The following EML4 variants were observed in gnomAD, a reference collection of about 807,000 sequenced individuals.
EML4 encodes echinoderm microtubule-associated protein-like 4.
A neutral mutation model predicts 129.0 loss-of-function variants in EML4; 72 were observed. The ratio of observed to expected loss-of-function variants is 0.56; its 90% CI spans 0.46 to 0.68. EML4 has a LOEUF of 0.68. EML4 is among the 30% of genes least tolerant of loss of function. EML4 has a pLI of 0.00. For synonymous variants in EML4, 532 were observed against 405.0 expected, an observed-to-expected ratio of 1.31 and a Z score of -3.77; for missense variants, 1,363 against 1,190.6, an observed-to-expected ratio of 1.14 and a Z score of -2.13.
chr2:42,221,487 G>C (rs1673595014), intron 1 of EML4, among the ~76,000 whole-genome samples: 1 of 143,492 alleles, frequency 7.0e-6, no homozygotes, highest in South Asian at 2.2e-4. Flanking sequence ...ATGGCTCACT[G>C]CAGCCTCAAT....
chr2:42,302,497 T>G (rs1234967362), intron 14 of EML4, among the ~76,000 whole-genome samples: 5 of 152,122 alleles, frequency 3.3e-5, no homozygotes, highest in Non-Finnish European at 7.4e-5. Flanking sequence ...CCCGACCACA[T>G]TCTTCATGTG....
intron 6 of EML4, among the ~76,000 whole-genome samples, chr2:42,266,077 C>T (rs1356516832): frequency 6.6e-6 from 1 of 152,116 alleles, no homozygotes; most frequent in Non-Finnish European, 1.5e-5. Context: ...CCAGCTGCAA[C>T]GTGGTTAAAG....
At chr2:42,229,090 T>G (rs1674160607) in intron 1 of EML4, among the ~76,000 whole-genome samples, 2 of 152,196 alleles carry the variant, frequency 1.3e-5, no homozygotes, top group African/African-American at 4.8e-5. Context: ...GGTACCTGAC[T>G]GCAAATGTTA....
intron 7 of EML4, 98 bp downstream of exon 7, chr2:42,281,071 A>G: frequency 1.0e-6 from 1 of 1,003,588 alleles, no homozygotes; most frequent in Non-Finnish European, 1.4e-6. Context: ...ATACAAAAAA[A>G]AAAAGTAACA....
At chr2:42,319,226 C>A (rs940204632) in intron 19 of EML4, among the ~76,000 whole-genome samples, 1 of 152,246 alleles carries the variant, frequency 6.6e-6, no homozygotes, top group East Asian at 1.9e-4. Flanking sequence ...AGCCGACTTT[C>A]CAATGTACAG....
chr2:42,235,647 A>G (rs951652659), intron 1 of EML4, among the ~76,000 whole-genome samples: 1 of 152,128 alleles, frequency 6.6e-6, no homozygotes, highest in Non-Finnish European at 1.5e-5. Context: ...ACTATTTCAA[A>G]TTTTTTAACA....
chr2:42,303,105 T>C lies in EML4; in HGVS notation c.1643T>C (p.Val548Ala). 6.2e-7 allele frequency: 1 copy of C among 1,613,832 alleles called. No individual in the cohort carries two copies. Among genetic ancestry groups the C allele is most frequent in the Non-Finnish European group, 8.5e-7 (1 of 1,179,922 alleles). ...GTGACTTTACACTTTTTTTTCTAGGTTCCTGATCAGTATGGCACAATCAGA... is the reference window on the plus strand; with the variant it reads ...GTGACTTTACACTTTTTTTTCTAGGCTCCTGATCAGTATGGCACAATCAGA... ...HDLNPEREIE[V>A]PDQYGTIRAV... The change falls in exon 15 of 23, where the codon GTT (valine) becomes GCT (alanine). Residue 548 changes from valine (V) to alanine (A), a missense_variant and splice_region_variant. Physicochemically the swap from Val to Ala is moderately conservative, Grantham distance 64 (BLOSUM62 0). Coordinates refer to ENST00000318522, the MANE Select transcript of EML4 (RefSeq NM_019063.5).
At chr2:42,284,801 T>C in intron 9 of EML4, 98 bp downstream of exon 9, 1 of 887,736 alleles carries the variant, frequency 1.1e-6, no homozygotes, top group Non-Finnish European at 1.7e-6. Context: ...TTTATTCTTT[T>C]AAAATTTAAG....
chr2:42,175,473 G>C (rs1468626218), intron 1 of EML4, among the ~76,000 whole-genome samples: 1 of 151,528 alleles, frequency 6.6e-6, no homozygotes, highest in Non-Finnish European at 1.5e-5. Context: ...GTATGGTTGG[G>C]AGTGTTTGTA....
chr2:42,202,146 A>G (rs931865920), intron 1 of EML4, among the ~76,000 whole-genome samples: 18 of 152,136 alleles, frequency 1.2e-4, no homozygotes, highest in Admixed American at 5.9e-4. Flanking sequence ...GGGTGTAGAC[A>G]GGGAAAGGAG....
At chr2:42,209,253 C>A (rs1416961577) in intron 1 of EML4, among the ~76,000 whole-genome samples, 2 of 152,000 alleles carry the variant, frequency 1.3e-5, no homozygotes, top group African/African-American at 2.4e-5. Context: ...TGGTTTTTTT[C>A]CTTTTATACA....
intron 6 of EML4, among the ~76,000 whole-genome samples, chr2:42,271,137 G>A (rs994519594): frequency 7.2e-5 from 11 of 152,234 alleles, no homozygotes; most frequent in South Asian, 6.2e-4. Context: ...CAAGTGATCC[G>A]TCTGCTTCAG....
At chr2:42,248,677 CTAAT>C (rs1414156714) in intron 2 of EML4, among the ~76,000 whole-genome samples, 7 of 151,996 alleles carry the variant, frequency 4.6e-5, no homozygotes, top group South Asian at 2.1e-4. Flanking sequence ...AATAACCTTA[CTAAT>C]TAGAGATTTT....
At chr2:42,324,428 C>T (rs556991914) in intron 19 of EML4, among the ~76,000 whole-genome samples, 2 of 152,264 alleles carry the variant, frequency 1.3e-5, no homozygotes, top group East Asian at 3.9e-4. Flanking sequence ...CCAGCCTCGG[C>T]GATGTGGTGA....
At chr2:42,209,637 CTG>C (rs1156455774) in intron 1 of EML4, among the ~76,000 whole-genome samples, 1 of 152,076 alleles carries the variant, frequency 6.6e-6, no homozygotes, top group Non-Finnish European at 1.5e-5. Context: ...TTTTAAAAAA[CTG>C]ATAAGATTGG....
intron 1 of EML4, among the ~76,000 whole-genome samples, chr2:42,208,481 C>T (rs1019092941): frequency 6.7e-6 from 1 of 149,604 alleles, no homozygotes; most frequent in African/African-American, 2.5e-5. Flanking sequence ...GTCGCCCAGG[C>T]TGGAGTGCAG....
intron 2 of EML4, among the ~76,000 whole-genome samples, chr2:42,255,243 G>A (rs1020698959): frequency 4.0e-5 from 6 of 151,858 alleles, no homozygotes; most frequent in Admixed American, 6.6e-5. Flanking sequence ...TCGCCACCAC[G>A]CCTGGCTAAT....
At chr2:42,303,500 G>C (rs1668414102) in intron 16 of EML4, 54 bp downstream of exon 16, 1 of 1,575,372 alleles carries the variant, frequency 6.3e-7, no homozygotes, top group Non-Finnish European at 8.7e-7. Flanking sequence ...CCTCACACTG[G>C]CAGTTGAGAG....
chr2:42,301,782 T>C (rs550529846), intron 14 of EML4, among the ~76,000 whole-genome samples: 1 of 152,274 alleles, frequency 6.6e-6, no homozygotes, highest in East Asian at 1.9e-4. Flanking sequence ...CTGATAGTAC[T>C]GCTCTTGGAT....
Sources: allele counts gnomAD v4.1 joint callset (sites outside exome capture counted in the v4.1 genomes callset), GRCh38; gene constraint gnomAD v4.1.1; transcripts MANE v1.5; gene names NCBI Gene and HGNC (gene_info 2026-07-23, HGNC 2026-07-21).